GSE1: variants seen among roughly 807,000 people sequenced by gnomAD.
GSE1 encodes genetic suppressor element 1.
In GSE1, 32 loss-of-function variants were observed where a neutral mutation model predicts 112.6. The observed-to-expected ratio is 0.28, with a 90% CI of 0.21 to 0.38. The LOEUF is 0.38. GSE1 is among the 10% of genes least tolerant of loss of function. The pLI, the probability that GSE1 is intolerant of heterozygous loss-of-function variation, is 1.00. For missense variants in GSE1, 2,348 were observed against 1,699.2 expected, an observed-to-expected ratio of 1.38 and a Z score of -6.71; for synonymous variants, 1,115 against 735.6, an observed-to-expected ratio of 1.52 and a Z score of -8.35.
At chr16:85,461,881 G>C (rs935534591) in intron 2 of GSE1, among the ~76,000 whole-genome samples, 3 of 151,944 alleles carry the variant, frequency 2.0e-5, no homozygotes, top group Non-Finnish European at 4.4e-5. Context: ...CAGCTCCTGA[G>C]AGCGGCAGGC....
chr16:85,451,498 T>G (rs1217457139), intron 2 of GSE1, among the ~76,000 whole-genome samples: 1 of 55,174 alleles, frequency 1.8e-5, no homozygotes, highest in African/African-American at 8.8e-5. Context: ...GTGCTGGTGG[T>G]TGGTGCGTGC....
At chr16:85,253,058 GCCCCC>G (rs748803903) in intron 1 of GSE1, among the ~76,000 whole-genome samples, 631 of 46,810 alleles carry the variant, frequency 0.013, 6 homozygotes, top group African/African-American at 0.034. Context: ...AGGCGCCCCC[GCCCCC>G]CCCCCACCCC....
intron 1 of GSE1, among the ~76,000 whole-genome samples, chr16:85,264,336 C>G (rs541604612): frequency 3.4e-4 from 52 of 152,244 alleles, no homozygotes; most frequent in Non-Finnish European, 6.5e-4. Context: ...GACCCCGTCT[C>G]AGATGGGCTT....
Position 85,223,445 on chromosome 16 carries a change from C to T in GSE1, c.2283+51638C>T, listed in dbSNP as rs1215194557. 2.0e-5 allele frequency among the ~76,000 whole-genome samples: 3 copies of T among 150,804 alleles called. No homozygotes were observed. In the Admixed American group the frequency reaches 2.0e-4, roughly 10 times the overall value. On this transcript the variant is annotated intron_variant, in intron 1 of 2. Transcript: ENST00000637419. ...GGCTGAGACAGGAGAATAGCTTGAA[C>T]CCGGGAGGTGGAGGCTGCAGTGAGC...
intron 1 of GSE1, among the ~76,000 whole-genome samples, chr16:85,188,819 AAC>A (rs67089128): frequency 0.072 from 10,867 of 149,970 alleles, 523 homozygotes; most frequent in Non-Finnish European, 0.11. Flanking sequence ...AAAAAAAAAA[AAC>A]AAAACAAAAA....
rs543897300 is a variant in GSE1, at chr16:85,515,905, T to C, written c.2465-118009T>C. ...CCCCACCGGCTCTGGCCAGTGGCTG[T>C]TCCCACCCGGAGCCTGGGACTCCAC... On this transcript the variant is annotated intron_variant, in intron 2 of 2. Transcript: ENST00000637419. 3.9e-3 allele frequency among the ~76,000 whole-genome samples: 595 copies of C among 152,226 alleles called. 1 individual carries two copies. The highest frequency in any genetic ancestry group is 0.014 in the African/African-American group (573 of 41,556).
At chr16:85,464,845 G>A (rs915573613) in intron 2 of GSE1, among the ~76,000 whole-genome samples, 6 of 152,230 alleles carry the variant, frequency 3.9e-5, no homozygotes, top group African/African-American at 1.4e-4. Flanking sequence ...GTGCTGGGTT[G>A]ACTGCCCACA....
chr16:85,563,035 C>A (rs2045592648), intron 1 of GSE1, among the ~76,000 whole-genome samples: 2 of 152,172 alleles, frequency 1.3e-5, no homozygotes, highest in South Asian at 4.1e-4. Flanking sequence ...GATCCTTGTC[C>A]CTGTCTGGGA....
Position 85,674,644 on chromosome 16 carries a change from G to GGCCA in GSE1, c.*2105_*2106insGCCA. 6.6e-6 allele frequency: 1 copy of GGCCA among 152,260 alleles called. No individual in the cohort carries two copies. Among genetic ancestry groups the GGCCA allele is most frequent in the Non-Finnish European group, 1.5e-5 (1 of 68,050 alleles). The allele number at this position is 152,260 out of a possible 1,614,324, so 9.4% of individuals were successfully genotyped here. ...GCTTTTGGAAATGGCCTTGGCTAAA[G>GGCCA]TAAAAGGGAAAAGTAGATCCGATAA... On this transcript the variant is annotated 3_prime_UTR_variant, in exon 16 of 16. Coordinates refer to ENST00000253458, the MANE Select transcript of GSE1 (RefSeq NM_014615.5).
At chr16:85,573,970 G>GT (rs2046115050) in intron 1 of GSE1, among the ~76,000 whole-genome samples, 1 of 152,216 alleles carries the variant, frequency 6.6e-6, no homozygotes, top group Non-Finnish European at 1.5e-5. Context: ...CAGACGTGGC[G>GT]CCGTCTCTTT....
intron 1 of GSE1, among the ~76,000 whole-genome samples, chr16:85,196,992 G>A (rs2074939841): frequency 1.3e-5 from 2 of 152,180 alleles, no homozygotes; most frequent in South Asian, 4.1e-4. Context: ...CCCGGTATGG[G>A]ACCTGCTGCT....
intron 1 of GSE1, among the ~76,000 whole-genome samples, chr16:85,209,124 G>C (rs558936532): frequency 6.6e-6 from 1 of 152,268 alleles, no homozygotes. Flanking sequence ...GTGTGTTGGG[G>C]TTTGCCGTGT....
chr16:85,217,000 G>A (rs1205117670), intron 1 of GSE1, among the ~76,000 whole-genome samples: 1 of 152,228 alleles, frequency 6.6e-6, no homozygotes, highest in Non-Finnish European at 1.5e-5. Flanking sequence ...TGAAGGAGCG[G>A]GGCGCTGTGG....
chr16:85,465,465 C>T (rs2050097648), intron 2 of GSE1, among the ~76,000 whole-genome samples: 1 of 152,270 alleles, frequency 6.6e-6, no homozygotes, highest in African/African-American at 2.4e-5. Flanking sequence ...CCCATTCGTT[C>T]CATGGGGATG....
intron 2 of GSE1, among the ~76,000 whole-genome samples, chr16:85,387,091 T>C (rs561656426): frequency 6.6e-6 from 1 of 152,226 alleles, no homozygotes; most frequent in Non-Finnish European, 1.5e-5. Context: ...GGGGTGCCCC[T>C]GCCACTGCCC....
At chr16:85,504,957 A>T (rs1279692489) in intron 2 of GSE1, among the ~76,000 whole-genome samples, 1 of 152,210 alleles carries the variant, frequency 6.6e-6, no homozygotes. Context: ...AAGTCGCTGC[A>T]TCGAGAGTTC....
chr16:85,521,984 G>C (rs1032582782), intron 2 of GSE1, among the ~76,000 whole-genome samples: 1 of 152,246 alleles, frequency 6.6e-6, no homozygotes, highest in Non-Finnish European at 1.5e-5. Context: ...AGCTGGCAAA[G>C]GTGGCAGGGG....
At chr16:85,478,829 C>T (rs529149914) in intron 2 of GSE1, among the ~76,000 whole-genome samples, 132 of 145,034 alleles carry the variant, frequency 9.1e-4, no homozygotes, top group Admixed American at 2.5e-3. Flanking sequence ...CACCATGCCC[C>T]GCTCATTTAT....
intron 2 of GSE1, among the ~76,000 whole-genome samples, chr16:85,515,837 G>A (rs953005265): frequency 7.2e-5 from 11 of 152,082 alleles, no homozygotes; most frequent in African/African-American, 2.7e-4. Flanking sequence ...GAAGAAAGCC[G>A]GTCCCCTCCT....
Sources: allele counts gnomAD v4.1 joint callset (sites outside exome capture counted in the v4.1 genomes callset), GRCh38; gene constraint gnomAD v4.1.1; transcripts MANE v1.5; gene names NCBI Gene and HGNC (gene_info 2026-07-23, HGNC 2026-07-21).